TLL2: variants seen among roughly 807,000 people sequenced by gnomAD.
TLL2 encodes the protein tolloid like 2.
TLL2 carries 106 observed loss-of-function variants against 123.0 expected under a neutral mutation model. The ratio of observed to expected loss-of-function variants is 0.86; its 90% CI spans 0.74 to 1.01. The LOEUF is 1.01. TLL2 is among the 50% of genes least tolerant of loss of function. The probability of loss-of-function intolerance (pLI) is 0.00; values close to 1 mark genes in which losing one functional copy is unlikely to be tolerated. For missense variants in TLL2, 1,332 were observed against 1,336.7 expected (o/e 1.00, Z 0.06); for synonymous variants, 494 against 516.8 (o/e 0.96, Z 0.60).
intron 1 of TLL2, among the ~76,000 whole-genome samples, chr10:96,499,904 A>C (rs1016692097): frequency 1.3e-5 from 2 of 152,192 alleles, no homozygotes; most frequent in Non-Finnish European, 2.9e-5. Context: ...AGTTGAAGAA[A>C]TAGAAAAATA....
At chr10:96,398,650 C>T (rs954757959) in intron 10 of TLL2, among the ~76,000 whole-genome samples, 4 of 152,158 alleles carry the variant, frequency 2.6e-5, no homozygotes, top group African/African-American at 9.7e-5. Flanking sequence ...ACTGCCACGT[C>T]AGGATGGCAG....
At chr10:96,368,970 C>G (rs955687206) in intron 20 of TLL2, among the ~76,000 whole-genome samples, 2 of 152,200 alleles carry the variant, frequency 1.3e-5, no homozygotes, top group African/African-American at 4.8e-5. Context: ...GTCATTCTTC[C>G]TTTTTTAGAG....
intron 2 of TLL2, among the ~76,000 whole-genome samples, chr10:96,465,212 C>CT (rs5787190): frequency 0.15 from 22,934 of 152,224 alleles, 2,074 homozygotes; most frequent in East Asian, 0.45. Flanking sequence ...GTGACCTTAA[C>CT]TTTAAGAGAC....
At position 96,365,233 on chromosome 10, in the gene TLL2, G is replaced by A. The variant is rs1846012469; in HGVS notation, c.*2855C>T. 6.6e-6 allele frequency: 1 copy of A among 152,218 alleles called. No individual in the cohort carries two copies. The highest frequency in any genetic ancestry group is 1.5e-5 in the Non-Finnish European group (1 of 68,034). The allele number at this position is 152,218 out of a possible 1,614,324, so 9.4% of individuals were successfully genotyped here. On this transcript the variant is annotated 3_prime_UTR_variant, in exon 21 of 21. Coordinates refer to ENST00000357947, the MANE Select transcript of TLL2 (RefSeq NM_012465.4). ...GCTTGCTTTAGAGAGAAATTGTAAAGTAGAAATAAAAAGGAAACTTCACCT... is the reference window on the plus strand; with the variant it reads ...GCTTGCTTTAGAGAGAAATTGTAAAATAGAAATAAAAAGGAAACTTCACCT...
chr10:96,505,736 G>C (rs1425386326), intron 1 of TLL2, among the ~76,000 whole-genome samples: 1 of 152,166 alleles, frequency 6.6e-6, no homozygotes, highest in Non-Finnish European at 1.5e-5. Context: ...ATACAATTCA[G>C]TTCACTCCAC....
intron 2 of TLL2, among the ~76,000 whole-genome samples, chr10:96,450,215 C>T (rs546343883): frequency 5.6e-4 from 85 of 151,886 alleles, no homozygotes; most frequent in African/African-American, 1.9e-3. Flanking sequence ...ATACGAGTCA[C>T]GTAGGCAGTG....
chr10:96,448,760 T>G (rs1324729015), intron 2 of TLL2, among the ~76,000 whole-genome samples: 4 of 151,102 alleles, frequency 2.6e-5, no homozygotes, highest in Non-Finnish European at 4.4e-5. Flanking sequence ...GGGGTGGGAG[T>G]GTGCTTGGCC....
At chr10:96,500,000 G>T (rs1288925136) in intron 1 of TLL2, among the ~76,000 whole-genome samples, 1 of 151,472 alleles carries the variant, frequency 6.6e-6, no homozygotes, top group Non-Finnish European at 1.5e-5. Context: ...AAATCTTTTA[G>T]CTGGGTACGA....
At chr10:96,463,882 G>A (rs1847104717) in intron 2 of TLL2, among the ~76,000 whole-genome samples, 3 of 152,254 alleles carry the variant, frequency 2.0e-5, no homozygotes, top group Admixed American at 2.0e-4. Flanking sequence ...CAGGGCAGCA[G>A]AGCTGAGTCC....
At chr10:96,466,016 G>A (rs550105917) in intron 2 of TLL2, among the ~76,000 whole-genome samples, 1 of 152,322 alleles carries the variant, frequency 6.6e-6, no homozygotes, top group Admixed American at 6.5e-5. Flanking sequence ...GATTTGGCTG[G>A]CTGGTTGACC....
At chr10:96,435,054 C>T (rs1266394200) in intron 3 of TLL2, among the ~76,000 whole-genome samples, 9 of 135,112 alleles carry the variant, frequency 6.7e-5, no homozygotes, top group African/African-American at 8.5e-5. Flanking sequence ...TTTTTTGAGA[C>T]GGAGTCTTGC....
At chr10:96,373,904 G>T in intron 18 of TLL2, 95 bp from the exon 19 acceptor site, 1 of 1,104,762 alleles carries the variant, frequency 9.1e-7, no homozygotes, top group Non-Finnish European at 1.3e-6. Flanking sequence ...GGGCGAGGCA[G>T]TGCAGGGAGA....
intron 1 of TLL2, among the ~76,000 whole-genome samples, chr10:96,487,861 T>C (rs10882799): frequency 0.22 from 32,697 of 151,992 alleles, 3,634 homozygotes; most frequent in East Asian, 0.31. Context: ...CTAAACGCCA[T>C]GACAACAGGC....
Position 96,432,912 on chromosome 10 carries a change from C to T in TLL2, c.415G>A (p.Ala139Thr), listed in dbSNP as rs753483261. ...ACCCGGGGAGAGAAGGTCTTGGCTGCGGCATGCAAGGTCCCAGGGCTGTGC... is the reference window on the plus strand; with the variant it reads ...ACCCGGGGAGAGAAGGTCTTGGCTGTGGCATGCAAGGTCCCAGGGCTGTGC... ...LLHSPGTLHA[A>T]AKTFSPRVRR... The change falls in exon 4 of 21, where the codon GCA becomes ACA. Residue 139 changes from alanine (A) to threonine (T), a missense_variant. By Grantham distance (58) the Ala-to-Thr change is moderately conservative (BLOSUM62 0). Transcript: ENST00000357947. 18 of 1,614,056 alleles carry T rather than the reference C, an allele frequency of 1.1e-5. No individual in the cohort carries two copies. The highest frequency in any genetic ancestry group is 2.2e-5 in the East Asian group (1 of 44,858).
intron 14 of TLL2, among the ~76,000 whole-genome samples, chr10:96,386,713 G>A (rs1214470660): frequency 6.6e-6 from 1 of 152,178 alleles, no homozygotes; most frequent in African/African-American, 2.4e-5. Flanking sequence ...AATCATAGAA[G>A]AAAAACCATG....
At chr10:96,492,656 C>T (rs1163731233) in intron 1 of TLL2, among the ~76,000 whole-genome samples, 1 of 152,090 alleles carries the variant, frequency 6.6e-6, no homozygotes, top group East Asian at 1.9e-4. Context: ...ATCTCTTATC[C>T]AATTCTCCCC....
rs751738680 is a variant in TLL2 at position 96,422,586 on chromosome 10, G to A, written c.780C>T (p.Asp260=). Residue 260 remains aspartate, a synonymous_variant, in exon 6 of 21, where the codon GAC becomes GAT. Transcript: ENST00000357947. ...TTTCCCTGATGATGGTGACATGTTG[G>A]TCTCTGTCTGGCCGGGTGTGTTCAT... ...FWHEHTRPDR[D]QHVTIIRENI... is the part of the protein sequence containing the mutation. The A allele has an allele frequency of 6.2e-7, 1 of 1,614,142 alleles. No homozygotes were observed. The highest frequency in any genetic ancestry group is 8.5e-7 in the Non-Finnish European group (1 of 1,180,042).
chr10:96,414,012 A>G (rs548244875), intron 7 of TLL2, among the ~76,000 whole-genome samples: 1 of 152,098 alleles, frequency 6.6e-6, no homozygotes, highest in African/African-American at 2.4e-5. Flanking sequence ...AGCCCCTTCT[A>G]TCTCTAACAT....
chr10:96,469,365 C>A (rs1847157033), intron 2 of TLL2, among the ~76,000 whole-genome samples: 1 of 152,270 alleles, frequency 6.6e-6, no homozygotes, highest in Non-Finnish European at 1.5e-5. Flanking sequence ...CTACAAGAAC[C>A]AGTCGCTCTT....
Sources: allele counts gnomAD v4.1 joint callset (sites outside exome capture counted in the v4.1 genomes callset), GRCh38; gene constraint gnomAD v4.1.1; transcripts MANE v1.5; gene names NCBI Gene and HGNC (gene_info 2026-07-23, HGNC 2026-07-21).